PI16: variants seen among roughly 807,000 people sequenced by gnomAD.
The protein encoded by PI16 is peptidase inhibitor 16.
In PI16, 35 loss-of-function variants were observed where a neutral mutation model predicts 38.0. The ratio of observed to expected loss-of-function variants is 0.92; its 90% CI spans 0.70 to 1.22. The LOEUF is 1.22. Among genes scored for constraint, PI16 ranks in the 50% most tolerant of loss-of-function variants. PI16 has a pLI of 0.00. For missense variants in PI16, 572 were observed against 593.8 expected (o/e 0.96, Z 0.38); for synonymous variants, 275 against 252.9 (o/e 1.09, Z -0.83).
intron 1 of PI16, among the ~76,000 whole-genome samples, chr6:36,958,145 C>CG (rs997469980): frequency 2.0e-5 from 3 of 152,234 alleles, no homozygotes; most frequent in African/African-American, 7.2e-5. Context: ...AGCCACCTCC[C>CG]CTCAGGGTCA....
chr6:36,961,355 C>A, intron 2 of PI16, 96 bp from the exon 3 acceptor site: 1 of 1,076,650 alleles, frequency 9.3e-7, no homozygotes, highest in South Asian at 1.3e-5. Flanking sequence ...TAGGGTGCCT[C>A]TTCTCTCCAC....
intron 3 of PI16, 88 bp from the exon 4 acceptor site, chr6:36,961,798 T>A: frequency 1.7e-6 from 2 of 1,191,440 alleles, no homozygotes; most frequent in South Asian, 2.5e-5. Flanking sequence ...CCCAAGGGCA[T>A]TTCCAGAGTA....
At position 36,954,919 on chromosome 6, in the gene PI16, C is replaced by A; in HGVS notation, c.159C>A (p.Asp53Glu). The A allele has an allele frequency of 6.2e-7, 1 of 1,613,020 alleles. No homozygotes were observed. Among genetic ancestry groups the A allele is most frequent in the South Asian group, 1.1e-5 (1 of 90,994 alleles). ...CCCAGGTATCCCCGACGGCCTCAGACATGCTGCACATGGTAAGTGTGGCCA... is the reference window on the plus strand; with the variant it reads ...CCCAGGTATCCCCGACGGCCTCAGAAATGCTGCACATGGTAAGTGTGGCCA... ...YRAQVSPTAS[D>E]MLHMRWDEEL... Residue 53 changes from aspartate to glutamate, a missense_variant, in exon 1 of 7, where the codon GAC becomes GAA. Asp to Glu is a conservative substitution (Grantham distance 45). Transcript: ENST00000373674.
chr6:36,964,237 C>T, intron 6 of PI16, 149 bp from the exon 7 acceptor site: 1 of 297,792 alleles, frequency 3.4e-6, no homozygotes, highest in Non-Finnish European at 6.2e-6. Flanking sequence ...TGTGCCCACT[C>T]TCAGGTTGTC....
At position 36,962,327 on chromosome 6, in the gene PI16, C is replaced by T. The variant is rs1346371623; in HGVS notation, c.592+353C>T. 4.6e-5 allele frequency among the ~76,000 whole-genome samples: 7 copies of T among 152,194 alleles called. No individual in the cohort carries two copies. The highest frequency in any genetic ancestry group is 1.7e-4 in the African/African-American group (7 of 41,440). ...AAGGCTTCAAACGGGCGAGGCCAGT[C>T]TTGCTGGGGGCGTGTGAGGGACCGC... On this transcript the variant is annotated intron_variant, in intron 4 of 6. Transcript: ENST00000373674. The surrounding 1 kb of genome is among the most constrained non-coding windows in gnomAD (Gnocchi z 4.1).
intron 1 of PI16, among the ~76,000 whole-genome samples, chr6:36,956,201 A>G (rs1281357761): frequency 6.6e-6 from 1 of 152,162 alleles, no homozygotes; most frequent in Non-Finnish European, 1.5e-5. Context: ...AGCTCTGCAC[A>G]CACCCAGCAC....
In PI16 at chr6:36,949,481, G is replaced by A. The variant is rs557150419; in HGVS notation, c.-82+1077G>A. Among the ~76,000 whole-genome samples, 18 of 152,180 alleles carry A rather than the reference G, an allele frequency of 1.2e-4. No individual in the cohort carries two copies. In the South Asian group the frequency reaches 1.5e-3, roughly 12 times the overall value. On this transcript the variant is annotated intron_variant, in intron 1 of 7. Coordinates refer to the PI16 transcript ENST00000611814. Reference sequence around the variant, plus strand: ...TGTCAGGAACTCACTGAGTTCTCCCGTCTATGGAGGAAAGAGATCCATCTC... The same window carrying A: ...TGTCAGGAACTCACTGAGTTCTCCCATCTATGGAGGAAAGAGATCCATCTC...
chr6:36,951,705 C>T (rs923064127), upstream of PI16, among the ~76,000 whole-genome samples: 7 of 152,108 alleles, frequency 4.6e-5, no homozygotes, highest in South Asian at 2.1e-4. Context: ...TTGAGACCAG[C>T]CTGGCCAACA....
At position 36,963,005 on chromosome 6, in the gene PI16, G is replaced by C. The variant is rs142040522; in HGVS notation, c.663G>C (p.Ala221=). The C allele has an allele frequency of 1.5e-5, 24 of 1,614,100 alleles. No individual in the cohort carries two copies. Among genetic ancestry groups the C allele is most frequent in the Non-Finnish European group, 2.0e-5 (24 of 1,180,040 alleles). Residue 221 remains alanine, a synonymous_variant, in exon 5 of 7, where the codon GCG becomes GCC. Coordinates refer to ENST00000373674, the MANE Select transcript of PI16 (RefSeq NM_153370.3). ...TAACTGAGGCCCCATCCTTCCGGGCGACTGAAGCATCAGACTCTAGGAAAA... is the reference window on the plus strand; with the variant it reads ...TAACTGAGGCCCCATCCTTCCGGGCCACTGAAGCATCAGACTCTAGGAAAA... ...YLVTEAPSFR[A]TEASDSRKMG...
rs1003090040 is a variant in PI16 at position 36,962,078 on chromosome 6, A to C, written c.592+104A>C. ...TGGACTGAGCGGGACGTGGGCAGGG[A>C]AGGAGCCTGGTGGGATGCGACCACC... On this transcript the variant is annotated intron_variant, in intron 4 of 6. Transcript: ENST00000373674. The surrounding 1 kb of genome is among the most constrained non-coding windows in gnomAD (Gnocchi z 4.1). 5.0e-6 allele frequency: 5 copies of C among 997,632 alleles called. No individual in the cohort carries two copies. In the African/African-American group the frequency reaches 6.3e-5, roughly 13 times the overall value. The allele number at this position is 997,632 out of a possible 1,614,324, so 61.8% of individuals were successfully genotyped here.
chr6:36,959,405 G>A, intron 2 of PI16, 39 bp downstream of exon 2: 1 of 1,517,356 alleles, frequency 6.6e-7, no homozygotes, highest in Non-Finnish European at 8.8e-7. Context: ...GAGCCTCGCG[G>A]CGTGGGGGTG....
Position 36,959,883 on chromosome 6 carries a change from A to T in PI16, c.393+517A>T, listed in dbSNP as rs991340697. ...GCCCTGTCTCAAAAAAAAAAAAAAAAAATTAAATAAATAAATAAATAAATA... is the reference window on the plus strand; with the variant it reads ...GCCCTGTCTCAAAAAAAAAAAAAAATAATTAAATAAATAAATAAATAAATA... On this transcript the variant is annotated intron_variant, in intron 2 of 6. Transcript: ENST00000373674. Among the ~76,000 whole-genome samples, 221 of 150,424 alleles carry T rather than the reference A, an allele frequency of 1.5e-3. 1 individual carries two copies. The highest frequency in any genetic ancestry group is 4.8e-3 in the African/African-American group (196 of 40,656).
chr6:36,949,458 T>G (rs778465011), intron 1 of PI16, among the ~76,000 whole-genome samples: 1 of 152,182 alleles, frequency 6.6e-6, no homozygotes, highest in Non-Finnish European at 1.5e-5. Flanking sequence ...GCCTAAGTTG[T>G]CAGGAACTCA....
chr6:36,960,364 T>TGTGTGTGTGTG (rs1554141487), intron 2 of PI16, among the ~76,000 whole-genome samples: 6 of 139,232 alleles, frequency 4.3e-5, no homozygotes, highest in South Asian at 4.5e-4. Context: ...TGTGTGTGTG[T>TGTGTGTGTGTG]AGGGGAATTA....
At chr6:36,956,477 G>A (rs1763210518) in intron 1 of PI16, among the ~76,000 whole-genome samples, 1 of 152,206 alleles carries the variant, frequency 6.6e-6, no homozygotes. Flanking sequence ...GAGGGGATAT[G>A]CTGCTGCCTA....
Position 36,962,072 on chromosome 6 carries a change from G to A in PI16, c.592+98G>A, listed in dbSNP as rs11758705. 42,313 of 1,060,814 alleles carry A rather than the reference G, an allele frequency of 0.04. 1,007 individuals carry two copies. Among genetic ancestry groups the A allele is most frequent in the African/African-American group, 0.047 (3,017 of 64,616 alleles). The allele number at this position is 1,060,814 out of a possible 1,614,324, so 65.7% of individuals were successfully genotyped here. Reference sequence around the variant, plus strand: ...CCTCCCTGGACTGAGCGGGACGTGGGCAGGGAAGGAGCCTGGTGGGATGCG... The same window carrying A: ...CCTCCCTGGACTGAGCGGGACGTGGACAGGGAAGGAGCCTGGTGGGATGCG... On this transcript the variant is annotated intron_variant, in intron 4 of 6. Coordinates refer to ENST00000373674, the MANE Select transcript of PI16 (RefSeq NM_153370.3). This position sits in a 1 kb window ranked among gnomAD's most constrained non-coding sequence, Gnocchi z 4.1.
At chr6:36,961,859 C>A (rs749014220) in intron 3 of PI16, 27 bp from the exon 4 acceptor site, 1 of 1,592,800 alleles carries the variant, frequency 6.3e-7, no homozygotes, top group Admixed American at 1.7e-5. Flanking sequence ...GACCCCCTCC[C>A]CGCAGCATCC....
Position 36,963,329 on chromosome 6 carries a change from C to T in PI16, c.987C>T (p.Pro329=). 1 of 1,614,192 alleles carries T rather than the reference C, an allele frequency of 6.2e-7. No individual in the cohort carries two copies. The highest frequency in any genetic ancestry group is 8.5e-7 in the Non-Finnish European group (1 of 1,180,024). Reference sequence around the variant, plus strand: ...AAGTGACAGACAAAACAAAAGTGCCCTCTAGGAGCCCAGAGAACTCTCTGG... The same window carrying T: ...AAGTGACAGACAAAACAAAAGTGCCTTCTAGGAGCCCAGAGAACTCTCTGG... ...ADKVTDKTKV[P]SRSPENSLDP... is the part of the protein sequence containing the mutation. The change falls in exon 5 of 7, where the codon CCC becomes CCT. Residue 329 remains proline (P), a synonymous_variant. Coordinates refer to ENST00000373674, the MANE Select transcript of PI16 (RefSeq NM_153370.3).
At position 36,962,038 on chromosome 6, in the gene PI16, G is replaced by A; in HGVS notation, c.592+64G>A. ...GAAATGATGCGATGCAGACTGGATG[G>A]TCTAAGAGCCTCCCTGGACTGAGCG... On this transcript the variant is annotated intron_variant, in intron 4 of 6. Transcript: ENST00000373674. This position sits in a 1 kb window ranked among gnomAD's most constrained non-coding sequence, Gnocchi z 4.1. 1 of 1,387,704 alleles carries A rather than the reference G, an allele frequency of 7.2e-7. No individual in the cohort carries two copies. 86.0% of individuals were successfully genotyped at this position (1,387,704 alleles called of 1,614,324 possible). A position where few individuals can be genotyped will look rare whatever the true frequency, so the allele number is the denominator to read the frequency against.
Sources: allele counts gnomAD v4.1 joint callset (sites outside exome capture counted in the v4.1 genomes callset), GRCh38; gene constraint gnomAD v4.1.1; non-coding constraint Gnocchi (gnomAD v3.1); transcripts MANE v1.5; gene names NCBI Gene and HGNC (gene_info 2026-07-23, HGNC 2026-07-21).